The following TNS1 variants were observed in gnomAD, a reference collection of about 807,000 sequenced individuals.
TNS1 encodes tensin 1.
In TNS1, 62 loss-of-function variants were observed where a neutral mutation model predicts 168.6. That is an observed-to-expected ratio of 0.37 (90% CI 0.30 to 0.45). The LOEUF (loss-of-function observed/expected upper bound fraction) is 0.45. Among genes scored for constraint, TNS1 ranks in the 20% least tolerant of loss-of-function variants. TNS1 has a pLI of 1.00. For missense variants in TNS1, 2,240 were observed against 2,339.4 expected (o/e 0.96, Z 0.88); for synonymous variants, 934 against 933.2 (o/e 1.00, Z -0.02).
chr2:217,947,202 A>C (rs1957132278), intron 3 of TNS1, among the ~76,000 whole-genome samples: 1 of 146,802 alleles, frequency 6.8e-6, no homozygotes. Context: ...ATCTGGTTCC[A>C]GTTGCGGTTG....
intron 30 of TNS1, among the ~76,000 whole-genome samples, chr2:217,808,992 C>T (rs538812145): frequency 2.6e-5 from 4 of 152,320 alleles, no homozygotes; most frequent in East Asian, 3.9e-4. Context: ...TCCAAGTGGA[C>T]GGGCTCTGCT....
At chr2:217,849,646 C>T (rs1947194385) in intron 18 of TNS1, 1 of 985,162 alleles carries the variant, frequency 1.0e-6, no homozygotes, top group Non-Finnish European at 1.2e-6. Flanking sequence ...ATCCTCAGTC[C>T]CCTCCGCCAC....
At position 217,808,638 on chromosome 2, in the gene TNS1, A is replaced by C. The variant is rs753437528; in HGVS notation, c.5307T>G (p.Thr1769=). 1.7e-5 allele frequency: 28 copies of C among 1,614,150 alleles called. No individual in the cohort carries two copies. In the African/African-American group the frequency reaches 3.5e-4, roughly 20 times the overall value. ...LFFRRHYPLN[T]VTFCDLDPQE... ...GTGGATCCAGGTCACAGAAGGTGACAGTGTTGAGAGGGTAGTGGCGTCTGA... is the reference window on the plus strand; with the variant it reads ...GTGGATCCAGGTCACAGAAGGTGACCGTGTTGAGAGGGTAGTGGCGTCTGA... The change falls in exon 31 of 33, where the codon ACT becomes ACG. Residue 1769 remains threonine (T), a synonymous_variant. Coordinates refer to ENST00000682258, the MANE Select transcript of TNS1 (RefSeq NM_001387777.1).
At position 217,812,414 on chromosome 2, in the gene TNS1, G is replaced by A; in HGVS notation, c.4986C>T (p.Ser1662=). Residue 1662 remains serine (S), a synonymous_variant, in exon 28 of 33, where the codon TCC becomes TCT. Transcript: ENST00000682258. ...GSLSALVYQH[S]IIPLALPCKL... is the part of the protein sequence containing the mutation. Reference sequence around the variant, plus strand: ...TGCAAGGCAGGGCCAATGGGATGATGGAGTGCTGGTAGACCAGGGCAGACA... The same window carrying A: ...TGCAAGGCAGGGCCAATGGGATGATAGAGTGCTGGTAGACCAGGGCAGACA... 2 of 1,614,136 alleles carry A rather than the reference G, an allele frequency of 1.2e-6. No individual in the cohort carries two copies. The highest frequency in any genetic ancestry group is 1.7e-6 in the Non-Finnish European group (2 of 1,180,040).
intron 6 of TNS1, among the ~76,000 whole-genome samples, chr2:217,902,848 G>C (rs1025107223): frequency 1.3e-5 from 2 of 152,174 alleles, no homozygotes; most frequent in Non-Finnish European, 2.9e-5. Flanking sequence ...TCTCACTGAC[G>C]GGGCTTCCTG....
intron 22 of TNS1, among the ~76,000 whole-genome samples, chr2:217,824,823 G>A (rs1036221608): frequency 2.0e-5 from 3 of 152,044 alleles, no homozygotes; most frequent in African/African-American, 4.8e-5. Flanking sequence ...AGGTCCCCAC[G>A]GCTCTCGGCA....
chr2:217,927,068 C>T (rs1156875775), intron 3 of TNS1, among the ~76,000 whole-genome samples: 2 of 152,228 alleles, frequency 1.3e-5, no homozygotes, highest in African/African-American at 2.4e-5. Context: ...TCACCCACTA[C>T]CCCTGAAAGC....
At chr2:217,942,888 G>A (rs1037922103) in intron 3 of TNS1, among the ~76,000 whole-genome samples, 1 of 152,038 alleles carries the variant, frequency 6.6e-6, no homozygotes, top group African/African-American at 2.4e-5. Flanking sequence ...GCTTCTCCGG[G>A]TCCCCCCTAT....
At chr2:217,945,162 C>T (rs1476571415) in intron 3 of TNS1, among the ~76,000 whole-genome samples, 1 of 152,208 alleles carries the variant, frequency 6.6e-6, no homozygotes, top group Admixed American at 6.5e-5. Flanking sequence ...GTTGAAAGGC[C>T]CTTCCTTCTC....
chr2:217,912,297 C>T (rs900375972), intron 4 of TNS1, among the ~76,000 whole-genome samples: 1 of 152,152 alleles, frequency 6.6e-6, no homozygotes, highest in African/African-American at 2.4e-5. Flanking sequence ...AGCCCAGGGC[C>T]GAGGGGAAGG....
At position 217,900,528 on chromosome 2, in the gene TNS1, G is replaced by A; in HGVS notation, c.322-16C>T. 6 of 1,535,826 alleles carry A rather than the reference G, an allele frequency of 3.9e-6. No individual in the cohort carries two copies. The highest frequency in any genetic ancestry group is 5.2e-6 in the Non-Finnish European group (6 of 1,146,724). Reference sequence around the variant, plus strand: ...TGGTGGAGCCCTGGGAAGGAGAGAAGAGAAGCAGCATTATGCAGGGGTGGG... The same window carrying A: ...TGGTGGAGCCCTGGGAAGGAGAGAAAAGAAGCAGCATTATGCAGGGGTGGG... On this transcript the variant is annotated splice_polypyrimidine_tract_variant and intron_variant, in intron 6 of 32. Transcript: ENST00000682258.
At chr2:217,963,888 A>T (rs577690820) in intron 3 of TNS1, among the ~76,000 whole-genome samples, 2 of 136,852 alleles carry the variant, frequency 1.5e-5, no homozygotes, top group Admixed American at 1.5e-4. Context: ...TACTAAAAAT[A>T]CAAAAAAAAA....
At chr2:217,856,272 G>T (rs1948122494) in intron 18 of TNS1, among the ~76,000 whole-genome samples, 1 of 152,166 alleles carries the variant, frequency 6.6e-6, no homozygotes, top group South Asian at 2.1e-4. Flanking sequence ...CAGGGGAAGT[G>T]ATGTGAGGAA....
chr2:217,891,689 G>A (rs945614657), intron 11 of TNS1, among the ~76,000 whole-genome samples: 2 of 152,226 alleles, frequency 1.3e-5, no homozygotes, highest in Admixed American at 6.5e-5. Context: ...AAACCCCAAA[G>A]TCCTCAGTGA....
intron 3 of TNS1, among the ~76,000 whole-genome samples, chr2:217,941,896 C>T (rs182867020): frequency 1.5e-3 from 236 of 152,306 alleles, no homozygotes; most frequent in Middle Eastern, 0.01. Context: ...CCCCTTGACT[C>T]CTGCTCCTAT....
intron 6 of TNS1, among the ~76,000 whole-genome samples, chr2:217,905,786 C>T (rs993357739): frequency 2.0e-5 from 3 of 152,234 alleles, no homozygotes; most frequent in Non-Finnish European, 4.4e-5. Flanking sequence ...TGGGATCCTT[C>T]CATTTCAGGC....
intron 6 of TNS1, chr2:217,903,684 T>G (rs1953297915): frequency 7.5e-7 from 1 of 1,332,888 alleles, no homozygotes; most frequent in African/African-American, 1.5e-5. Context: ...GTCTTACTTT[T>G]CTCACTGTCA....
At chr2:217,953,343 C>A (rs527416267) in intron 3 of TNS1, among the ~76,000 whole-genome samples, 1 of 152,206 alleles carries the variant, frequency 6.6e-6, no homozygotes, top group African/African-American at 2.4e-5. Context: ...TTTCTTGGAA[C>A]ATTGTGTTCA....
intron 4 of TNS1, among the ~76,000 whole-genome samples, chr2:217,918,165 A>G (rs921864996): frequency 6.6e-6 from 1 of 152,328 alleles, no homozygotes; most frequent in Non-Finnish European, 1.5e-5. Flanking sequence ...CATGAATTAA[A>G]TGGATTAATG....
Sources: gnomAD v4.1 joint callset for allele counts (sites outside exome capture counted in the v4.1 genomes callset) on GRCh38, gnomAD v4.1.1 for gene constraint, MANE v1.5 for transcripts, NCBI Gene and HGNC (gene_info 2026-07-23, HGNC 2026-07-21) for gene names.